The following MARCHF8 variants were observed in gnomAD, a reference collection of about 807,000 sequenced individuals.
MARCHF8 encodes the protein E3 ubiquitin-protein ligase MARCHF8.
A neutral mutation model predicts 51.6 loss-of-function variants in MARCHF8; 40 were observed. That is an observed-to-expected ratio of 0.77 (90% CI 0.60 to 1.01). The LOEUF is 1.01. Among genes scored for constraint, MARCHF8 ranks in the 50% least tolerant of loss-of-function variants. The probability of loss-of-function intolerance (pLI) is 0.00; values close to 1 mark genes in which losing one functional copy is unlikely to be tolerated. For synonymous variants in MARCHF8, 263 were observed against 280.3 expected (o/e 0.94, Z 0.62); for missense variants, 685 against 708.6 (o/e 0.97, Z 0.38).
chr10:45,563,961 C>T (rs1589181089), intron 1 of MARCHF8, among the ~76,000 whole-genome samples: 2 of 152,132 alleles, frequency 1.3e-5, no homozygotes, highest in African/African-American at 4.8e-5. Context: ...ATTGAGCAAA[C>T]AGGTAGGAAA....
At position 45,457,998 on chromosome 10, in the gene MARCHF8, T is replaced by C. The variant is rs1377976082; in HGVS notation, c.*241A>G. The C allele has an allele frequency of 4.0e-6, 2 of 498,228 alleles. No homozygotes were observed. Among genetic ancestry groups the C allele is most frequent in the African/African-American group, 2.0e-5 (1 of 50,730 alleles). 30.9% of individuals were successfully genotyped at this position (498,228 alleles called of 1,614,324 possible). A position where few individuals can be genotyped will look rare whatever the true frequency, so the allele number is the denominator to read the frequency against. On this transcript the variant is annotated 3_prime_UTR_variant, in exon 8 of 8. Transcript: ENST00000453424. ...CAGGAACTCTGCTGGCTCCCCATGA[T>C]GTCATCATGGGGTCTTCCACTTTCC...
intron 2 of MARCHF8, among the ~76,000 whole-genome samples, chr10:45,509,292 T>C (rs1051378655): frequency 6.6e-5 from 10 of 152,222 alleles, no homozygotes; most frequent in African/African-American, 2.2e-4. Context: ...GTCTGGAATA[T>C]TGTTGATGCT....
rs201162945 is a variant in MARCHF8, at chr10:45,464,360, T to G, written c.154-33A>C. The G allele has an allele frequency of 9.4e-6, 15 of 1,590,208 alleles. No homozygotes were observed. The East Asian group carries it at 2.0e-4, about 21-fold the overall frequency. Reference sequence around the variant, plus strand: ...GACAGACCTGTGGTCAGTGTTCAGGTAAGAGCCAAGGGGATTGTGTGCACT... The same window carrying G: ...GACAGACCTGTGGTCAGTGTTCAGGGAAGAGCCAAGGGGATTGTGTGCACT... On this transcript the variant is annotated intron_variant, in intron 3 of 7. Coordinates refer to ENST00000453424, the MANE Select transcript of MARCHF8 (RefSeq NM_001282866.2).
chr10:45,474,936 C>T (rs763546611), intron 3 of MARCHF8, among the ~76,000 whole-genome samples: 39 of 152,174 alleles, frequency 2.6e-4, no homozygotes, highest in Admixed American at 2.6e-4. Flanking sequence ...CTGGAGATGG[C>T]GAGAAGGCAT....
intron 1 of MARCHF8, among the ~76,000 whole-genome samples, chr10:45,576,682 G>A (rs1432679975): frequency 1.3e-5 from 2 of 151,882 alleles, no homozygotes; most frequent in South Asian, 2.1e-4. Flanking sequence ...AGCACTCTGG[G>A]AGGCCAAGGC....
intron 3 of MARCHF8, among the ~76,000 whole-genome samples, chr10:45,475,005 C>T (rs1409115096): frequency 6.6e-6 from 1 of 152,178 alleles, no homozygotes; most frequent in Non-Finnish European, 1.5e-5. Flanking sequence ...AAGGCAGCTA[C>T]AAGAAGACAC....
At chr10:45,483,978 C>T (rs1175260695) in intron 3 of MARCHF8, among the ~76,000 whole-genome samples, 2 of 152,010 alleles carry the variant, frequency 1.3e-5, no homozygotes, top group African/African-American at 4.8e-5. Context: ...ACAATAAGTT[C>T]TAATGTTCAA....
At chr10:45,592,559 A>C (rs1383309908) in intron 1 of MARCHF8, among the ~76,000 whole-genome samples, 3 of 152,246 alleles carry the variant, frequency 2.0e-5, no homozygotes, top group Admixed American at 6.5e-5. Flanking sequence ...CAGATATTTT[A>C]AACTACTTAC....
In MARCHF8 at chr10:45,463,205, AAGGGAGAAGGACAATCC is replaced by A; in HGVS notation, c.1017_1033del (p.Asp340LeufsTer2). 1.3e-6 allele frequency: 2 copies of A among 1,550,682 alleles called. No homozygotes were observed. Among genetic ancestry groups the A allele is most frequent in the Non-Finnish European group, 1.7e-6 (2 of 1,146,998 alleles). Reference sequence around the variant, plus strand: ...AGATATGGGGGGTAATTTTTCAGAGAAGGGAGAAGGACAATCCAGGTCGCTGTCCTTTTCCGTGGAGC... The same window carrying A: ...AGATATGGGGGGTAATTTTTCAGAGAAGGTCGCTGTCCTTTTCCGTGGAGC... On this transcript the variant is annotated frameshift_variant, in exon 5 of 8. Coordinates refer to ENST00000453424, the MANE Select transcript of MARCHF8 (RefSeq NM_001282866.2). LOFTEE classifies it high-confidence loss of function.
chr10:45,530,637 C>A (rs1275866095), intron 2 of MARCHF8, among the ~76,000 whole-genome samples: 1 of 151,960 alleles, frequency 6.6e-6, no homozygotes, highest in Non-Finnish European at 1.5e-5. Context: ...AAAAACTTAT[C>A]CAGGCATGGT....
At chr10:45,461,912 G>A (rs1442551869) in intron 5 of MARCHF8, 2 of 152,252 alleles carry the variant, frequency 1.3e-5, no homozygotes, top group Non-Finnish European at 2.9e-5. Context: ...AGTAAACAAA[G>A]ATGACAGTAC....
chr10:45,553,811 G>A (rs540647242), intron 1 of MARCHF8, among the ~76,000 whole-genome samples: 8 of 149,242 alleles, frequency 5.4e-5, no homozygotes, highest in African/African-American at 2.0e-4. Flanking sequence ...GAAACTATAC[G>A]TGTGTGCACA....
intron 5 of MARCHF8, among the ~76,000 whole-genome samples, chr10:45,462,814 C>T (rs888493465): frequency 2.0e-5 from 3 of 151,864 alleles, no homozygotes; most frequent in African/African-American, 4.8e-5. Context: ...TTAGTAGAGA[C>T]GGGGTTTCGC....
intron 3 of MARCHF8, among the ~76,000 whole-genome samples, chr10:45,467,877 G>A (rs1159591981): frequency 6.6e-6 from 1 of 152,126 alleles, no homozygotes; most frequent in Non-Finnish European, 1.5e-5. Context: ...AAATCCAAAT[G>A]TGTCAAGAAA....
In MARCHF8 at chr10:45,456,969, G is replaced by C. The variant is rs1446895153; in HGVS notation, c.*1270C>G. 6.6e-6 allele frequency: 1 copy of C among 152,372 alleles called. No homozygotes were observed. The highest frequency in any genetic ancestry group is 2.4e-5 in the African/African-American group (1 of 41,468). The allele number at this position is 152,372 out of a possible 1,614,324, so 9.4% of individuals were successfully genotyped here. A position where few individuals can be genotyped will look rare whatever the true frequency, so the allele number is the denominator to read the frequency against. The stretch of plus-strand genomic sequence containing the variant: ...CGACAGCTGGGCGGGCATGTGGCCG[G>C]GGAGCAGTGGCACAGCGGACCCTGG... On this transcript the variant is annotated 3_prime_UTR_variant, in exon 8 of 8. Transcript: ENST00000453424.
chr10:45,528,072 A>C (rs1313916853), intron 2 of MARCHF8, among the ~76,000 whole-genome samples: 1 of 152,232 alleles, frequency 6.6e-6, no homozygotes, highest in Admixed American at 6.5e-5. Context: ...AAAACCACTC[A>C]ACAACTTGGT....
chr10:45,592,781 G>A (rs1343285346), intron 1 of MARCHF8, among the ~76,000 whole-genome samples: 3 of 152,132 alleles, frequency 2.0e-5, no homozygotes, highest in Admixed American at 2.0e-4. Flanking sequence ...AAAAATGTTG[G>A]AGCTAAGGCT....
At chr10:45,575,886 T>A (rs1341603097) in intron 1 of MARCHF8, among the ~76,000 whole-genome samples, 1 of 152,148 alleles carries the variant, frequency 6.6e-6, no homozygotes, top group Non-Finnish European at 1.5e-5. Flanking sequence ...GCTCCCCCAA[T>A]GAACACCTTG....
At chr10:45,555,369 A>C (rs1445564383) in intron 1 of MARCHF8, among the ~76,000 whole-genome samples, 1 of 152,210 alleles carries the variant, frequency 6.6e-6, no homozygotes, top group Non-Finnish European at 1.5e-5. Context: ...ACATAGTGAG[A>C]TCTATCATTA....
Sources: allele counts gnomAD v4.1 joint callset (sites outside exome capture counted in the v4.1 genomes callset), GRCh38; gene constraint gnomAD v4.1.1; transcripts MANE v1.5; gene names NCBI Gene and HGNC (gene_info 2026-07-23, HGNC 2026-07-21).